The following ME1 variants were observed in gnomAD, a reference collection of about 807,000 sequenced individuals.
ME1 encodes the protein malic enzyme 1.
In ME1, 74 loss-of-function variants were observed where a neutral mutation model predicts 66.4. The ratio of observed to expected loss-of-function variants is 1.11; its 90% CI spans 0.92 to 1.35. The LOEUF is 1.35. Among genes scored for constraint, ME1 ranks in the 40% most tolerant of loss-of-function variants. ME1 has a pLI of 0.00. For missense variants in ME1, 750 were observed against 694.1 expected (o/e 1.08, Z -0.90); for synonymous variants, 251 against 235.6 (o/e 1.07, Z -0.60).
intron 6 of ME1, among the ~76,000 whole-genome samples, chr6:83,284,350 C>CA (rs1313592734): frequency 5.9e-5 from 9 of 151,616 alleles, no homozygotes; most frequent in Non-Finnish European, 1.0e-4. Flanking sequence ...GAAATTACCC[C>CA]AAAAAAAATC....
chr6:83,254,763 A>G (rs1766724700), intron 6 of ME1, among the ~76,000 whole-genome samples: 1 of 152,142 alleles, frequency 6.6e-6, no homozygotes, highest in Admixed American at 6.6e-5. Context: ...TAACAGCTGC[A>G]ATTTCTCCTT....
chr6:83,320,247 G>A (rs1354717727), intron 5 of ME1, among the ~76,000 whole-genome samples: 3 of 152,144 alleles, frequency 2.0e-5, no homozygotes, highest in African/African-American at 4.8e-5. Flanking sequence ...ATGTTAAGAA[G>A]GTTAAACCTT....
At chr6:83,289,654 G>C (rs755345290) in intron 6 of ME1, among the ~76,000 whole-genome samples, 5 of 152,152 alleles carry the variant, frequency 3.3e-5, no homozygotes, top group Non-Finnish European at 7.4e-5. Context: ...TCATAAATGA[G>C]TTAGGGAGGA....
intron 1 of ME1, among the ~76,000 whole-genome samples, chr6:83,424,144 A>C (rs1770323861): frequency 3.9e-5 from 6 of 152,122 alleles, no homozygotes; most frequent in Admixed American, 2.0e-4. Context: ...ACTATTTTAA[A>C]AATATTTGTG....
chr6:83,345,973 A>G (rs1163665189), intron 5 of ME1, among the ~76,000 whole-genome samples, 200 bp downstream of exon 5: 4 of 152,192 alleles, frequency 2.6e-5, no homozygotes, highest in Non-Finnish European at 5.9e-5. Context: ...AAGCAAATAA[A>G]AGATTAATCA....
chr6:83,327,194 C>T (rs191433681), intron 5 of ME1, among the ~76,000 whole-genome samples: 13 of 152,186 alleles, frequency 8.5e-5, no homozygotes, highest in African/African-American at 1.9e-4. Flanking sequence ...GTAATAATTG[C>T]GTTAACTGCA....
At chr6:83,229,854 T>G (rs1162163240) in intron 9 of ME1, among the ~76,000 whole-genome samples, 1 of 152,168 alleles carries the variant, frequency 6.6e-6, no homozygotes, top group Non-Finnish European at 1.5e-5. Flanking sequence ...TGAAATGAGG[T>G]CTCATTTTGT....
intron 3 of ME1, among the ~76,000 whole-genome samples, chr6:83,367,167 ATC>A (rs1235312131): frequency 6.6e-6 from 1 of 152,134 alleles, no homozygotes; most frequent in Admixed American, 6.6e-5. Flanking sequence ...TTTGAAAATA[ATC>A]TTTTTTTTTC....
chr6:83,346,821 T>C (rs1004086796), intron 4 of ME1, among the ~76,000 whole-genome samples: 3 of 152,194 alleles, frequency 2.0e-5, no homozygotes, highest in African/African-American at 7.2e-5. Context: ...CCATTCTCCT[T>C]AACTCCTATA....
At chr6:83,238,373 C>A (rs1388877964) in intron 8 of ME1, among the ~76,000 whole-genome samples, 3 of 152,116 alleles carry the variant, frequency 2.0e-5, no homozygotes, top group Non-Finnish European at 4.4e-5. Context: ...TTATAATTAT[C>A]TGTGAAATTT....
chr6:83,285,728 G>A (rs1334376764), intron 6 of ME1, among the ~76,000 whole-genome samples: 1 of 152,166 alleles, frequency 6.6e-6, no homozygotes, highest in East Asian at 1.9e-4. Flanking sequence ...ACAAGAAATA[G>A]CAAGATTTGG....
chr6:83,420,797 T>C (rs962591153), intron 1 of ME1, among the ~76,000 whole-genome samples: 1 of 152,208 alleles, frequency 6.6e-6, no homozygotes, highest in African/African-American at 2.4e-5. Flanking sequence ...TAAGAGCAAC[T>C]ATGTTGAAAG....
At chr6:83,217,516 T>C (rs1036153095) in intron 12 of ME1, among the ~76,000 whole-genome samples, 4 of 152,188 alleles carry the variant, frequency 2.6e-5, no homozygotes, top group Non-Finnish European at 4.4e-5. Flanking sequence ...AAAAGTGTTA[T>C]TGTCCTTGAG....
chr6:83,306,887 A>G (rs543146669), intron 6 of ME1, among the ~76,000 whole-genome samples: 44 of 152,280 alleles, frequency 2.9e-4, no homozygotes, highest in African/African-American at 1.0e-3. Context: ...ATGTAACCAG[A>G]ACAAAAACAG....
chr6:83,281,069 A>G (rs550683194), intron 6 of ME1, among the ~76,000 whole-genome samples: 22 of 152,368 alleles, frequency 1.4e-4, no homozygotes, highest in African/African-American at 4.8e-4. Flanking sequence ...AGAGCATGCT[A>G]AGAAAAGATC....
At chr6:83,256,941 A>C (rs1766783862) in intron 6 of ME1, among the ~76,000 whole-genome samples, 1 of 152,130 alleles carries the variant, frequency 6.6e-6, no homozygotes, top group African/African-American at 2.4e-5. Context: ...TAACACAAGA[A>C]GAGAAAACCA....
chr6:83,408,638 T>G (rs1279212957), intron 1 of ME1, among the ~76,000 whole-genome samples: 1 of 152,164 alleles, frequency 6.6e-6, no homozygotes, highest in Non-Finnish European at 1.5e-5. Flanking sequence ...CTCAAAAACA[T>G]GAAAACTAAA....
chr6:83,232,566 A>C (rs1409567925), intron 9 of ME1, among the ~76,000 whole-genome samples: 2 of 152,096 alleles, frequency 1.3e-5, no homozygotes, highest in African/African-American at 4.8e-5. Context: ...CATTGATCAT[A>C]CTCTATTTGA....
At chr6:83,357,195 C>A (rs1200761843) in intron 3 of ME1, among the ~76,000 whole-genome samples, 1 of 152,150 alleles carries the variant, frequency 6.6e-6, no homozygotes, top group Non-Finnish European at 1.5e-5. Context: ...GGCACCATTG[C>A]CGACCGGTCC....
Sources: allele counts gnomAD v4.1 joint callset (sites outside exome capture counted in the v4.1 genomes callset), GRCh38; gene constraint gnomAD v4.1.1; transcripts MANE v1.5; gene names NCBI Gene and HGNC (gene_info 2026-07-23, HGNC 2026-07-21).